The following ARHGAP31 variants were observed in gnomAD, a reference collection of about 807,000 sequenced individuals.
ARHGAP31 encodes the protein Rho GTPase activating protein 31.
ARHGAP31 carries 34 observed loss-of-function variants against 113.9 expected under a neutral mutation model. The ratio of observed to expected loss-of-function variants is 0.30; its 90% CI spans 0.23 to 0.40. The LOEUF (loss-of-function observed/expected upper bound fraction) is 0.40. Among genes scored for constraint, ARHGAP31 ranks in the 10% least tolerant of loss-of-function variants. ARHGAP31 has a pLI of 1.00. For synonymous variants in ARHGAP31, 650 were observed against 684.8 expected (o/e 0.95, Z 0.79); for missense variants, 1,548 against 1,767.1 (o/e 0.88, Z 2.22).
Position 119,384,767 on chromosome 3 carries a change from C to T in ARHGAP31, c.682+1541C>T, listed in dbSNP as rs190832055. ...TTCCCAACACATGAACTTTGGGGGA[C>T]ACATTCAAACCATAACAAACCCCAT... is the stretch of plus-strand genomic sequence containing the variant. On this transcript the variant is annotated intron_variant, in intron 6 of 11. Transcript: ENST00000264245. 1.2e-3 allele frequency among the ~76,000 whole-genome samples: 179 copies of T among 152,246 alleles called. 4 individuals are homozygous for T. Among genetic ancestry groups the T allele is most frequent in the Admixed American group, 0.011 (172 of 15,286 alleles).
chr3:119,413,189 C>A (rs1484156997), intron 11 of ARHGAP31, among the ~76,000 whole-genome samples: 1 of 149,288 alleles, frequency 6.7e-6, no homozygotes, highest in Non-Finnish European at 1.5e-5. Context: ...TGGTGGTGTG[C>A]ACCTGTAATC....
chr3:119,372,989 A>T (rs1365108060), intron 3 of ARHGAP31, among the ~76,000 whole-genome samples: 1 of 152,226 alleles, frequency 6.6e-6, no homozygotes, highest in Non-Finnish European at 1.5e-5. Context: ...GTGCTAGGAA[A>T]ATTCGCTATC....
intron 1 of ARHGAP31, among the ~76,000 whole-genome samples, chr3:119,325,751 G>A (rs2079835925): frequency 6.6e-6 from 1 of 152,196 alleles, no homozygotes; most frequent in African/African-American, 2.4e-5. Context: ...TCAGGGAAAG[G>A]AGAGAGGAGC....
intron 10 of ARHGAP31, among the ~76,000 whole-genome samples, chr3:119,402,946 G>A (rs573439465): frequency 1.3e-5 from 2 of 152,302 alleles, no homozygotes; most frequent in South Asian, 2.1e-4. Flanking sequence ...TCAAATGCAG[G>A]AAGGATTCTG....
Position 119,417,665 on chromosome 3 carries a change from C to G in ARHGAP31, c.*1401C>G, listed in dbSNP as rs1204426873. 4 of 151,968 alleles carry G rather than the reference C, an allele frequency of 2.6e-5. No homozygotes were observed. The highest frequency in any genetic ancestry group is 5.9e-5 in the Non-Finnish European group (4 of 68,032). 9.4% of individuals were successfully genotyped at this position (151,968 alleles called of 1,614,324 possible). ...CACTCCAGGCACTCACTCAAACTTG[C>G]TCTTCAACTCTGTATACAAGCAGAA... On this transcript the variant is annotated 3_prime_UTR_variant, in exon 12 of 12. Transcript: ENST00000264245.
chr3:119,342,796 G>A (rs1197881873), intron 1 of ARHGAP31, among the ~76,000 whole-genome samples: 4 of 151,860 alleles, frequency 2.6e-5, no homozygotes, highest in African/African-American at 9.7e-5. Context: ...CTAAAAATAC[G>A]AAATTAGCGG....
chr3:119,309,640 G>A (rs1251400025), intron 1 of ARHGAP31, among the ~76,000 whole-genome samples: 3 of 152,034 alleles, frequency 2.0e-5, no homozygotes, highest in Non-Finnish European at 4.4e-5. Context: ...TGGGGCTGTG[G>A]TCCCAGTTAC....
intron 1 of ARHGAP31, among the ~76,000 whole-genome samples, chr3:119,348,314 T>C (rs1328689747): frequency 1.3e-5 from 2 of 152,226 alleles, no homozygotes; most frequent in Admixed American, 6.5e-5. Flanking sequence ...TGTGCTTCAA[T>C]CATCGCAAAA....
At chr3:119,338,451 A>G (rs1208178382) in intron 1 of ARHGAP31, among the ~76,000 whole-genome samples, 1 of 152,240 alleles carries the variant, frequency 6.6e-6, no homozygotes, top group South Asian at 2.1e-4. Flanking sequence ...CACAGTAAAT[A>G]CAGAAAGAAT....
At chr3:119,376,800 A>G (rs1042214254) in intron 3 of ARHGAP31, among the ~76,000 whole-genome samples, 2 of 151,518 alleles carry the variant, frequency 1.3e-5, no homozygotes, top group Non-Finnish European at 2.9e-5. Flanking sequence ...CAGACAACTA[A>G]CACCTTGCAA....
intron 1 of ARHGAP31, among the ~76,000 whole-genome samples, chr3:119,295,431 T>C (rs2079524808): frequency 7.0e-6 from 1 of 142,786 alleles, no homozygotes; most frequent in Non-Finnish European, 1.5e-5. Context: ...TCCTGGGCTC[T>C]CCAATTTCGT....
intron 6 of ARHGAP31, among the ~76,000 whole-genome samples, chr3:119,388,308 T>TA (rs1553765977): frequency 0.013 from 1,803 of 133,584 alleles, 50 homozygotes; most frequent in African/African-American, 0.038. Flanking sequence ...TGTATAATTT[T>TA]TATATATATA....
rs1559996613 is a variant in ARHGAP31 at position 119,409,652 on chromosome 3, A to C, written c.1802A>C (p.Glu601Ala). Residue 601 changes from glutamate to alanine, a missense_variant, in exon 11 of 12, where the codon GAA (glutamate) becomes GCA (alanine). Glu to Ala is a moderately radical substitution (Grantham distance 107). Coordinates refer to ENST00000264245, the MANE Select transcript of ARHGAP31 (RefSeq NM_020754.4). ...ESSLSSQHLN[E>A]LEKRPNPEKV... ...TCCTTGAGCTCTCAACATTTAAATG[A>C]ATTAGAGAAGAGGCCAAATCCGGAG... The C allele has an allele frequency of 6.2e-7, 1 of 1,612,974 alleles. No homozygotes were observed. The highest frequency in any genetic ancestry group is 1.7e-5 in the Admixed American group (1 of 59,834).
At chr3:119,340,679 G>T (rs907973541) in intron 1 of ARHGAP31, among the ~76,000 whole-genome samples, 1 of 152,092 alleles carries the variant, frequency 6.6e-6, no homozygotes, top group Non-Finnish European at 1.5e-5. Context: ...TGGATATGAG[G>T]TACCCAGCCT....
intron 1 of ARHGAP31, among the ~76,000 whole-genome samples, chr3:119,300,848 AAG>A (rs1455848176): frequency 1.2e-4 from 13 of 108,756 alleles, no homozygotes; most frequent in Admixed American, 6.2e-4. Context: ...AAAAAAAAGA[AAG>A]AAAGAAAGAA....
intron 6 of ARHGAP31, among the ~76,000 whole-genome samples, chr3:119,385,668 G>A (rs2080443483): frequency 6.6e-6 from 1 of 152,166 alleles, no homozygotes; most frequent in South Asian, 2.1e-4. Context: ...GCATTTCATT[G>A]ATTTATTACA....
At chr3:119,297,806 T>C (rs927623094) in intron 1 of ARHGAP31, among the ~76,000 whole-genome samples, 4 of 152,188 alleles carry the variant, frequency 2.6e-5, no homozygotes, top group African/African-American at 7.2e-5. Context: ...GCTGGGTGTG[T>C]GGTTTACAAA....
intron 3 of ARHGAP31, among the ~76,000 whole-genome samples, chr3:119,369,520 C>A (rs373862092): frequency 4.3e-4 from 66 of 152,240 alleles, no homozygotes; most frequent in African/African-American, 1.6e-3. Context: ...TGGGAGGGAA[C>A]CTTTCTCATG....
At chr3:119,321,300 A>C (rs953397675) in intron 1 of ARHGAP31, among the ~76,000 whole-genome samples, 1 of 147,238 alleles carries the variant, frequency 6.8e-6, no homozygotes, top group African/African-American at 2.5e-5. Context: ...TATATAGTAT[A>C]TATATATGTA....
Sources: gnomAD v4.1 joint callset for allele counts (sites outside exome capture counted in the v4.1 genomes callset) on GRCh38, gnomAD v4.1.1 for gene constraint, MANE v1.5 for transcripts, NCBI Gene and HGNC (gene_info 2026-07-23, HGNC 2026-07-21) for gene names.